Variants in EGF observed in about 807,000 individuals in gnomAD.
EGF encodes the protein pro-epidermal growth factor.
A neutral mutation model predicts 143.8 loss-of-function variants in EGF; 95 were observed. The observed-to-expected ratio is 0.66, with a 90% confidence interval of 0.56 to 0.78. The LOEUF (loss-of-function observed/expected upper bound fraction) is 0.78, where lower values mean the gene tolerates loss of function less well. Ranked by LOEUF, EGF falls within the 30% of genes least tolerant of loss-of-function variation. The pLI is 0.00. For missense variants in EGF, 1,320 were observed against 1,470.9 expected (o/e 0.90, Z 1.68); for synonymous variants, 510 against 510.5 (o/e 1.00, Z 0.01).
chr4:109,963,385 A>G, intron 9 of EGF, 87 bp downstream of exon 9: 1 of 1,563,926 alleles, frequency 6.4e-7, no homozygotes, highest in Non-Finnish European at 8.8e-7. Flanking sequence ...TTAACTGCTT[A>G]TGGTTTTGTA....
chr4:109,913,199 A>G lies in EGF; in HGVS notation c.-137A>G. On this transcript the variant is annotated 5_prime_UTR_variant, in exon 1 of 24. Coordinates refer to ENST00000265171, the MANE Select transcript of EGF (RefSeq NM_001963.6). ...AGAGCTTGGAGGACAACAGCACAAC[A>G]GGAGAGTAAAAGATGCCCCAGGGCT... 9.7e-7 allele frequency: 1 copy of G among 1,028,406 alleles called. No homozygotes were observed. Among genetic ancestry groups the G allele is most frequent in the Non-Finnish European group, 1.5e-6 (1 of 670,442 alleles). 63.7% of individuals were successfully genotyped at this position (1,028,406 alleles called of 1,614,324 possible). A position where few individuals can be genotyped will look rare whatever the true frequency, so the allele number is the denominator to read the frequency against.
intron 23 of EGF, among the ~76,000 whole-genome samples, chr4:110,010,256 A>G (rs1288615635): frequency 6.6e-6 from 1 of 152,114 alleles, no homozygotes; most frequent in East Asian, 1.9e-4. Context: ...AAACAAAGAT[A>G]GAGACTCCAT....
At chr4:110,007,526 G>T (rs1431323958) in intron 22 of EGF, among the ~76,000 whole-genome samples, 1 of 152,158 alleles carries the variant, frequency 6.6e-6, no homozygotes, top group Non-Finnish European at 1.5e-5. Context: ...AGCCTGCATT[G>T]CAAGTGCCCA....
At chr4:109,979,636 T>C (rs1442691043) in intron 13 of EGF, among the ~76,000 whole-genome samples, 1 of 152,206 alleles carries the variant, frequency 6.6e-6, no homozygotes, top group Non-Finnish European at 1.5e-5. Flanking sequence ...AGTCTATAAG[T>C]AGCGACAGAT....
intron 20 of EGF, 32 bp downstream of exon 20, chr4:109,994,912 G>A: frequency 6.2e-7 from 1 of 1,613,796 alleles, no homozygotes; most frequent in South Asian, 1.1e-5. Flanking sequence ...ATGGCACAGA[G>A]AGATGCTATT....
intron 5 of EGF, among the ~76,000 whole-genome samples, chr4:109,951,533 G>A (rs530063278): frequency 3.1e-4 from 47 of 152,236 alleles, no homozygotes; most frequent in African/African-American, 1.1e-3. Flanking sequence ...AGTACATGCA[G>A]CTTCTTGGCT....
chr4:109,923,168 AT>A (rs961212044), intron 1 of EGF, among the ~76,000 whole-genome samples: 8 of 151,418 alleles, frequency 5.3e-5, no homozygotes, highest in Non-Finnish European at 1.0e-4. Context: ...TATATAAAAT[AT>A]TTTTTATGTA....
At chr4:109,962,548 C>T (rs1745879245) in intron 8 of EGF, among the ~76,000 whole-genome samples, 1 of 152,146 alleles carries the variant, frequency 6.6e-6, no homozygotes, top group Non-Finnish European at 1.5e-5. Context: ...AAGAGTTAGA[C>T]CAGCTGCCAA....
intron 22 of EGF, among the ~76,000 whole-genome samples, chr4:110,005,149 A>C (rs1196084212): frequency 6.7e-6 from 1 of 148,488 alleles, no homozygotes; most frequent in Admixed American, 6.8e-5. Flanking sequence ...GGGCTCAAAC[A>C]ATCCTCCCAG....
At chr4:109,988,523 A>G in intron 17 of EGF, 61 bp from the exon 18 acceptor site, 1 of 1,610,916 alleles carries the variant, frequency 6.2e-7, no homozygotes, top group Non-Finnish European at 8.5e-7. Context: ...ATTCTTTCCA[A>G]CTAGTCCCAT....
intron 3 of EGF, 120 bp downstream of exon 3, chr4:109,943,555 C>A: frequency 9.0e-7 from 1 of 1,110,970 alleles, no homozygotes. Context: ...TCTTTTGCAG[C>A]ACACAGGCAC....
At chr4:109,956,548 C>G (rs1382377167) in intron 5 of EGF, among the ~76,000 whole-genome samples, 3 of 152,126 alleles carry the variant, frequency 2.0e-5, no homozygotes, top group African/African-American at 7.2e-5. Context: ...CCAATATTTA[C>G]AAGTTTCTAA....
chr4:109,970,228 C>T (rs925734272), intron 11 of EGF, among the ~76,000 whole-genome samples: 8 of 152,124 alleles, frequency 5.3e-5, no homozygotes, highest in South Asian at 2.1e-4. Flanking sequence ...CTTCTGCGTG[C>T]GAATGAGATC....
chr4:109,920,081 TG>T (rs1275791541), intron 1 of EGF, among the ~76,000 whole-genome samples: 6 of 151,674 alleles, frequency 4.0e-5, no homozygotes, highest in Non-Finnish European at 8.8e-5. Flanking sequence ...ATTTATAAGT[TG>T]TTTTTTAATC....
At chr4:109,959,506 C>A in intron 6 of EGF, 69 bp downstream of exon 6, 1 of 1,609,328 alleles carries the variant, frequency 6.2e-7, no homozygotes, top group African/African-American at 1.3e-5. Context: ...CTCAACTGAG[C>A]CAGCGGCTTG....
intron 1 of EGF, among the ~76,000 whole-genome samples, chr4:109,925,755 T>C (rs1738529071): frequency 6.6e-6 from 1 of 152,126 alleles, no homozygotes; most frequent in African/African-American, 2.4e-5. Context: ...AAGTCAGAAA[T>C]GACTTTTTTA....
intron 13 of EGF, among the ~76,000 whole-genome samples, chr4:109,979,437 A>G (rs1748990164): frequency 6.6e-6 from 1 of 151,738 alleles, no homozygotes; most frequent in Admixed American, 6.6e-5. Context: ...GAGAGAGGGG[A>G]AAGAAGGTGG....
rs2126157264 is a variant in EGF at position 109,994,735 on chromosome 4, T to A, written c.2860T>A (p.Ser954Thr). The change falls in exon 20 of 24, where the codon TCT becomes ACT. Residue 954 changes from serine to threonine, a missense_variant and splice_region_variant. Around this residue, in one of 5 missense-constraint regions of EGF, gnomAD observed 1,186 missense variants for 1,313.7 expected, o/e 0.90. Transcript: ENST00000265171. ...LSEPGLICPD[S>T]TPPPHLREDD... ...AGTAATGTCTTGGGTTCTTTTAGAC[T>A]CTACTCCACCCCCTCACCTCAGGGA... The A allele has an allele frequency of 6.2e-7, 1 of 1,614,088 alleles. No homozygotes were observed. The highest frequency in any genetic ancestry group is 2.2e-5 in the East Asian group (1 of 44,888).
chr4:109,930,870 C>T (rs972539847), intron 1 of EGF, among the ~76,000 whole-genome samples: 1 of 152,230 alleles, frequency 6.6e-6, no homozygotes, highest in Non-Finnish European at 1.5e-5. Flanking sequence ...TCCAAACATT[C>T]TGAACTCCTT....
Sources: allele counts gnomAD v4.1 joint callset (sites outside exome capture counted in the v4.1 genomes callset), GRCh38; gene constraint gnomAD v4.1.1; regional missense constraint gnomAD v4.1.1; transcripts MANE v1.5; gene names NCBI Gene and HGNC (gene_info 2026-07-23, HGNC 2026-07-21).